Variants in GPR155 observed in about 807,000 individuals in gnomAD.
GPR155 encodes the protein G protein-coupled receptor 155.
A neutral mutation model predicts 93.1 loss-of-function variants in GPR155; 65 were observed. The ratio of observed to expected loss-of-function variants is 0.70; its 90% CI spans 0.57 to 0.86. The LOEUF (loss-of-function observed/expected upper bound fraction) is 0.86, where lower values mean the gene tolerates loss of function less well. Ranked by LOEUF, GPR155 falls within the 40% of genes least tolerant of loss-of-function variation. GPR155 has a pLI of 0.00. For missense variants in GPR155, 838 were observed against 1,034.8 expected (o/e 0.81, Z 2.61); for synonymous variants, 319 against 360.1 (o/e 0.89, Z 1.29).
rs545356306 is a variant in GPR155 at position 174,486,087 on chromosome 2, A to G, written c.-32+786T>C. Among the ~76,000 whole-genome samples, 3 of 152,330 alleles carry G rather than the reference A, an allele frequency of 2.0e-5. No homozygotes were observed. In the East Asian group the frequency reaches 5.8e-4, roughly 29 times the overall value. ...CTCTCAGGCTATTTCTCAAACATCC[A>G]ACATCCTTTATCCCGTGGGATAAGT... On this transcript the variant is annotated intron_variant, in intron 1 of 15. Coordinates refer to ENST00000392552, the MANE Select transcript of GPR155 (RefSeq NM_152529.7).
intron 11 of GPR155, among the ~76,000 whole-genome samples, chr2:174,447,464 A>C (rs1248384541): frequency 6.8e-6 from 1 of 146,294 alleles, no homozygotes; most frequent in East Asian, 1.9e-4. Context: ...TAACAATTAT[A>C]TATTATGTTA....
intron 15 of GPR155, among the ~76,000 whole-genome samples, chr2:174,438,066 C>A (rs1039955765): frequency 1.3e-5 from 2 of 151,564 alleles, no homozygotes; most frequent in Non-Finnish European, 2.9e-5. Flanking sequence ...ACCAGCCTGG[C>A]CAACATGGCA....
rs1464580687 is a variant in GPR155 at position 174,448,522 on chromosome 2, T to C, written c.1877-1775A>G. Among the ~76,000 whole-genome samples, 17 of 114,396 alleles carry C rather than the reference T, an allele frequency of 1.5e-4. No homozygotes were observed. In the Admixed American group the frequency reaches 1.6e-3, roughly 11 times the overall value. The allele number at this position is 114,396 out of a possible 152,430, so 75.0% of individuals were successfully genotyped here. A position where few individuals can be genotyped will look rare whatever the true frequency, so the allele number is the denominator to read the frequency against. ...CTATACTGGGAAGTTTTTTGTTTTT[T>C]GTTTTTTGTTTTTTTTTTTTTTTTT... On this transcript the variant is annotated intron_variant, in intron 11 of 15. Transcript: ENST00000392552.
intron 15 of GPR155, among the ~76,000 whole-genome samples, chr2:174,439,429 C>A (rs1686888444): frequency 6.6e-6 from 1 of 151,996 alleles, no homozygotes; most frequent in African/African-American, 2.4e-5. Flanking sequence ...ATGTCACAGA[C>A]TAAAGATTAG....
In GPR155 at chr2:174,466,543, C is replaced by T; in HGVS notation, c.1266+1G>A. ...TTCTAAATATCAGTAGTTTTACTAA[C>T]CTGAGCAATGAGTAAATTAGTTGTA... On this transcript the variant is annotated splice_donor_variant, in intron 6 of 15. Coordinates refer to ENST00000392552, the MANE Select transcript of GPR155 (RefSeq NM_152529.7). LOFTEE classifies it high-confidence loss of function. The T allele has an allele frequency of 2.1e-6, 3 of 1,452,962 alleles. No individual in the cohort carries two copies. Among genetic ancestry groups the T allele is most frequent in the African/African-American group, 1.4e-5 (1 of 71,378 alleles). 90.0% of individuals were successfully genotyped at this position (1,452,962 alleles called of 1,614,324 possible).
intron 3 of GPR155, among the ~76,000 whole-genome samples, chr2:174,471,933 A>G (rs1167818597): frequency 6.6e-6 from 1 of 152,216 alleles, no homozygotes; most frequent in Non-Finnish European, 1.5e-5. Context: ...TTTTATTATT[A>G]TGAAAACAGT....
At chr2:174,483,117 T>A (rs1009569171) in intron 1 of GPR155, 3 of 152,188 alleles carry the variant, frequency 2.0e-5, no homozygotes, top group Admixed American at 2.0e-4. Flanking sequence ...GGACTATGCA[T>A]GTTTTTGCTC....
At chr2:174,450,652 A>G (rs1364483770) in intron 11 of GPR155, among the ~76,000 whole-genome samples, 2 of 152,196 alleles carry the variant, frequency 1.3e-5, no homozygotes, top group African/African-American at 4.8e-5. Flanking sequence ...CCTTAGCTCC[A>G]TTCTATATAT....
At chr2:174,448,703 A>T (rs1394967341) in intron 11 of GPR155, among the ~76,000 whole-genome samples, 1 of 150,672 alleles carries the variant, frequency 6.6e-6, no homozygotes, top group Non-Finnish European at 1.5e-5. Context: ...GCGCCCGGCT[A>T]ATTTTTTGTA....
chr2:174,481,049 G>A (rs1415703206), intron 2 of GPR155, among the ~76,000 whole-genome samples: 1 of 152,164 alleles, frequency 6.6e-6, no homozygotes, highest in Admixed American at 6.5e-5. Context: ...AAAGTGCTGG[G>A]ATTATAGGTG....
chr2:174,465,717 G>C, intron 7 of GPR155, 68 bp downstream of exon 7: 1 of 783,258 alleles, frequency 1.3e-6, no homozygotes, highest in Non-Finnish European at 2.2e-6. Flanking sequence ...ATCACTAGAA[G>C]CTCAGGGCTA....
At chr2:174,440,781 A>G (rs953830482) in intron 14 of GPR155, among the ~76,000 whole-genome samples, 2 of 152,174 alleles carry the variant, frequency 1.3e-5, no homozygotes, top group Non-Finnish European at 2.9e-5. Context: ...TCCTACCCCC[A>G]CATTGGAGTA....
chr2:174,463,854 T>C (rs1329545218), intron 7 of GPR155, among the ~76,000 whole-genome samples: 4 of 152,214 alleles, frequency 2.6e-5, no homozygotes, highest in Admixed American at 6.5e-5. Flanking sequence ...TTTAAGATTG[T>C]CCAGATTAAA....
At chr2:174,455,505 G>T (rs752399832) in intron 10 of GPR155, among the ~76,000 whole-genome samples, 6 of 152,228 alleles carry the variant, frequency 3.9e-5, no homozygotes, top group Admixed American at 6.5e-5. Context: ...CGTGAGGAAG[G>T]TTAATTTGGC....
rs1687648714 is a variant in GPR155 at position 174,460,190 on chromosome 2, T to C, written c.1561-102A>G. 12 of 749,388 alleles carry C rather than the reference T, an allele frequency of 1.6e-5. No individual in the cohort carries two copies. The South Asian group carries it at 2.3e-4, about 14-fold the overall frequency. The allele number at this position is 749,388 out of a possible 1,614,324, so 46.4% of individuals were successfully genotyped here. A position where few individuals can be genotyped will look rare whatever the true frequency, so the allele number is the denominator to read the frequency against. ...TTTTTTTTTTTTTTGAGATGGAGTCTTGCTCTGTCGCCCAGGCTGGAGTGC... is the reference window on the plus strand; with the variant it reads ...TTTTTTTTTTTTTTGAGATGGAGTCCTGCTCTGTCGCCCAGGCTGGAGTGC... On this transcript the variant is annotated intron_variant, in intron 9 of 15. Transcript: ENST00000392552.
At chr2:174,443,973 T>G (rs577680698) in intron 13 of GPR155, among the ~76,000 whole-genome samples, 1 of 152,340 alleles carries the variant, frequency 6.6e-6, no homozygotes, top group Non-Finnish European at 1.5e-5. Flanking sequence ...GTAAAATGCT[T>G]AACGATGGTT....
At chr2:174,452,475 A>G (rs895243349) in intron 11 of GPR155, among the ~76,000 whole-genome samples, 1 of 152,226 alleles carries the variant, frequency 6.6e-6, no homozygotes, top group Non-Finnish European at 1.5e-5. Context: ...AATACAGTTG[A>G]CATAGGCCTT....
intron 10 of GPR155, among the ~76,000 whole-genome samples, chr2:174,454,136 G>GTTTTGTTT (rs1687417059): frequency 6.6e-6 from 1 of 151,814 alleles, no homozygotes; most frequent in Admixed American, 6.6e-5. Flanking sequence ...GTTTTGTTTT[G>GTTTTGTTT]TTCTGTTTTT....
chr2:174,447,971 GTGAAACAAATTA>G (rs1383975267), intron 11 of GPR155, among the ~76,000 whole-genome samples: 5 of 151,830 alleles, frequency 3.3e-5, no homozygotes, highest in Non-Finnish European at 7.4e-5. Flanking sequence ...TTGGCTAACT[GTGAAACAAATTA>G]TTATTATCTC....
Sources: gnomAD v4.1 joint callset for allele counts (sites outside exome capture counted in the v4.1 genomes callset) on GRCh38, gnomAD v4.1.1 for gene constraint, MANE v1.5 for transcripts, NCBI Gene and HGNC (gene_info 2026-07-23, HGNC 2026-07-21) for gene names.